The following ZSCAN5B variants were observed in gnomAD, a reference collection of about 807,000 sequenced individuals.
ZSCAN5B encodes the protein zinc finger and SCAN domain containing 5B, also known as zinc finger and SCAN domain-containing protein 5B.
In ZSCAN5B, 26 loss-of-function variants were observed where a neutral mutation model predicts 25.2. The ratio of observed to expected loss-of-function variants is 1.03; its 90% CI spans 0.76 to 1.43. The LOEUF is 1.43. Ranked by LOEUF, ZSCAN5B falls within the 40% of genes most tolerant of loss-of-function variation. ZSCAN5B has a pLI of 0.00. For missense variants in ZSCAN5B, 745 were observed against 622.1 expected, an observed-to-expected ratio of 1.20 and a Z score of -2.10; for synonymous variants, 244 against 240.9, an observed-to-expected ratio of 1.01 and a Z score of -0.12.
chr19:56,192,172 G>C, intron 2 of ZSCAN5B, 119 bp from the exon 3 acceptor site: 1 of 991,738 alleles, frequency 1.0e-6, no homozygotes, highest in South Asian at 1.6e-5. Context: ...CTACCTTCCT[G>C]ATGCAGAATC....
chr19:56,194,832 C>T (rs898563331), intron 1 of ZSCAN5B, among the ~76,000 whole-genome samples: 1 of 152,152 alleles, frequency 6.6e-6, no homozygotes, highest in African/African-American at 2.4e-5. Context: ...GTCTCAAACT[C>T]CTGACCTCGG....
exon 5 of ZSCAN5B, chr19:56,190,274 T>A: frequency 3.1e-6 from 5 of 1,614,222 alleles, no homozygotes; most frequent in Non-Finnish European, 4.2e-6. Context: ...CCTTGGCTTC[T>A]TGGCCATCTG....
intron 1 of ZSCAN5B, among the ~76,000 whole-genome samples, chr19:56,195,098 GAA>G (rs2032793691): frequency 6.6e-6 from 1 of 152,142 alleles, no homozygotes; most frequent in Non-Finnish European, 1.5e-5. Flanking sequence ...AGGGTCTCAG[GAA>G]AGGTCACTGG....
At chr19:56,191,812 C>T (rs1321233662) in intron 3 of ZSCAN5B, 38 bp downstream of exon 3, 6 of 1,602,340 alleles carry the variant, frequency 3.7e-6, no homozygotes, top group South Asian at 1.1e-5. Context: ...TGTTCCTTCT[C>T]CCACCTCTGC....
rs571637192 is a variant in ZSCAN5B, at chr19:56,197,196, G to A, written c.-128+538C>T. Among the ~76,000 whole-genome samples, 8 of 149,888 alleles carry A rather than the reference G, an allele frequency of 5.3e-5. No homozygotes were observed. In the South Asian group the frequency reaches 8.4e-4, roughly 16 times the overall value. ...TTTCTCCTTTTTTTTTTTTTGAGACGGAGTTTTGCTTTGTTACCCAGGCTG... is the reference window on the plus strand; with the variant it reads ...TTTCTCCTTTTTTTTTTTTTGAGACAGAGTTTTGCTTTGTTACCCAGGCTG... On this transcript the variant is annotated intron_variant, in intron 1 of 4. Transcript: ENST00000586855.
At chr19:56,190,447 C>T in exon 5 of ZSCAN5B, 5 of 1,614,094 alleles carry the variant, frequency 3.1e-6, no homozygotes, top group Non-Finnish European at 3.4e-6. Context: ...AGATTCAGAG[C>T]ATCTCCTCTG....
intron 3 of ZSCAN5B, among the ~76,000 whole-genome samples, chr19:56,191,332 C>T (rs570310317): frequency 5.3e-5 from 8 of 152,220 alleles, no homozygotes; most frequent in Non-Finnish European, 8.8e-5. Context: ...CTGGAGGGGG[C>T]GCTCCTGTGC....
At chr19:56,192,074 A>T in intron 2 of ZSCAN5B, 21 bp from the exon 3 acceptor site, 1 of 1,592,886 alleles carries the variant, frequency 6.3e-7, no homozygotes, top group African/African-American at 1.3e-5. Context: ...AAAAAAGACA[A>T]TCAGACACTA....
chr19:56,192,454 C>T (rs761229605), intron 2 of ZSCAN5B, among the ~76,000 whole-genome samples: 8 of 152,208 alleles, frequency 5.3e-5, no homozygotes, highest in Non-Finnish European at 7.3e-5. Flanking sequence ...CACTCTAATG[C>T]CTCCTTCCCT....
At chr19:56,196,076 A>G (rs2032805844) in intron 1 of ZSCAN5B, among the ~76,000 whole-genome samples, 1 of 152,052 alleles carries the variant, frequency 6.6e-6, no homozygotes, top group Admixed American at 6.6e-5. Context: ...TTTTTGAGAC[A>G]GAATCTCACT....
At chr19:56,191,021 T>A (rs1276324080) in intron 3 of ZSCAN5B, 34 bp from the exon 4 acceptor site, 1 of 1,613,466 alleles carries the variant, frequency 6.2e-7, no homozygotes, top group Non-Finnish European at 8.5e-7. Context: ...ATGACTGCCG[T>A]GTCTATACTG....
exon 2 of ZSCAN5B, chr19:56,192,827 C>A: frequency 6.2e-7 from 1 of 1,612,856 alleles, no homozygotes; most frequent in Non-Finnish European, 8.5e-7. Context: ...GTGTGGAGGT[C>A]GGGCCTCAGC....
intron 3 of ZSCAN5B, 53 bp downstream of exon 3, chr19:56,191,797 C>T: frequency 1.9e-6 from 3 of 1,580,768 alleles, no homozygotes; most frequent in Non-Finnish European, 1.7e-6. Context: ...CACACGATTT[C>T]CTCCTGTTCC....
At chr19:56,196,514 T>C (rs2032812484) in intron 1 of ZSCAN5B, among the ~76,000 whole-genome samples, 1 of 152,162 alleles carries the variant, frequency 6.6e-6, no homozygotes, top group African/African-American at 2.4e-5. Context: ...GTAGAGCCTA[T>C]GGCAGTTTGC....
chr19:56,190,937 G>C lies in ZSCAN5B; in HGVS notation c.639C>G (p.Asn213Lys), dbSNP rs1031133591. 29 of 1,614,008 alleles carry C rather than the reference G, an allele frequency of 1.8e-5. No individual in the cohort carries two copies. The highest frequency in any genetic ancestry group is 1.3e-4 in the Admixed American group (8 of 59,984). ...CCAAGGTCTGCTTGGGTCTCGGAGAGTTTGGGTCACCTGTTACGTCAATAC... is the reference window on the plus strand; with the variant it reads ...CCAAGGTCTGCTTGGGTCTCGGAGACTTTGGGTCACCTGTTACGTCAATAC... The change falls in exon 4 of 5, where the codon AAC becomes AAG. Residue 213 changes from asparagine (N) to lysine (K), a missense_variant. Asn to Lys is a moderately conservative substitution (Grantham distance 94, BLOSUM62 0). Transcript: ENST00000586855.
chr19:56,195,314 A>G (rs1284061069), intron 1 of ZSCAN5B, among the ~76,000 whole-genome samples: 1 of 152,192 alleles, frequency 6.6e-6, no homozygotes, highest in African/African-American at 2.4e-5. Flanking sequence ...ATAACCCACT[A>G]GAAGGGCTTA....
chr19:56,197,514 G>A (rs1028994603), intron 1 of ZSCAN5B, among the ~76,000 whole-genome samples: 32 of 152,274 alleles, frequency 2.1e-4, no homozygotes, highest in African/African-American at 6.7e-4. Flanking sequence ...GGGATTACAG[G>A]CGTGCGCCAC....
chr19:56,192,715 T>G (rs376225698), exon 2 of ZSCAN5B: 48 of 1,591,470 alleles, frequency 3.0e-5, no homozygotes, highest in Non-Finnish European at 3.9e-5. Flanking sequence ...CTCCAGGTCT[T>G]TGCAGCTCTG....
exon 2 of ZSCAN5B, chr19:56,193,129 C>G: frequency 7.0e-7 from 1 of 1,419,802 alleles, no homozygotes; most frequent in Non-Finnish European, 9.3e-7. Context: ...CCTATTTACA[C>G]AGGCTGCCCC....
Sources: allele counts gnomAD v4.1 joint callset (sites outside exome capture counted in the v4.1 genomes callset), GRCh38; gene constraint gnomAD v4.1.1; transcripts MANE v1.5; gene names NCBI Gene and HGNC (gene_info 2026-07-23, HGNC 2026-07-21).